Variants in PRKDC observed in about 807,000 individuals in gnomAD.
The protein encoded by PRKDC is protein kinase, DNA-activated, catalytic subunit.
PRKDC carries 82 observed loss-of-function variants against 486.9 expected under a neutral mutation model. The ratio of observed to expected loss-of-function variants is 0.17; its 90% CI spans 0.14 to 0.20. The LOEUF (loss-of-function observed/expected upper bound fraction) is 0.20. Among genes scored for constraint, PRKDC ranks in the 10% least tolerant of loss-of-function variants. PRKDC has a pLI of 1.00. For missense variants in PRKDC, 4,504 were observed against 5,038.2 expected, an observed-to-expected ratio of 0.89 and a Z score of 3.21; for synonymous variants, 1,895 against 1,837.0, an observed-to-expected ratio of 1.03 and a Z score of -0.81.
At chr8:47,891,503 G>A (rs1162852416) in intron 31 of PRKDC, among the ~76,000 whole-genome samples, 1 of 152,034 alleles carries the variant, frequency 6.6e-6, no homozygotes, top group South Asian at 2.1e-4. Context: ...GGCGGATCAC[G>A]AGGTCAGGAG....
Position 47,789,221 on chromosome 8 carries a change from T to A in PRKDC, c.10688A>T (p.Asp3563Val). Residue 3563 changes from aspartate (D) to valine (V), a missense_variant, in exon 75 of 86, where the codon GAT becomes GTT. Asp to Val is a radical substitution (Grantham distance 152). This residue lies in a region of PRKDC where 706 missense variants were observed against 945.0 expected (regional missense o/e 0.75). Transcript: ENST00000314191. ...EFVARIKSKLDQGGVIQDFIN... is the reference protein window; with the variant it reads ...EFVARIKSKLVQGGVIQDFIN... Reference sequence around the variant, plus strand: ...AAAATCTTGAATCACTCCTCCTTGATCCAACTTACTTTTAATCCTATTTAA... The same window carrying A: ...AAAATCTTGAATCACTCCTCCTTGAACCAACTTACTTTTAATCCTATTTAA... The A allele has an allele frequency of 6.3e-7, 1 of 1,590,650 alleles. No homozygotes were observed. The highest frequency in any genetic ancestry group is 8.5e-7 in the Non-Finnish European group (1 of 1,171,516).
intron 25 of PRKDC, among the ~76,000 whole-genome samples, chr8:47,907,533 CTTTTTTTTTTT>C (rs1028272336): frequency 2.3e-5 from 3 of 133,114 alleles, no homozygotes; most frequent in Non-Finnish European, 3.2e-5. Flanking sequence ...ATTTATATAC[CTTTTTTTTTTT>C]TTTTTTTTGA....
chr8:47,916,345 G>A (rs955709780), intron 22 of PRKDC, among the ~76,000 whole-genome samples: 6 of 152,070 alleles, frequency 3.9e-5, no homozygotes, highest in Non-Finnish European at 7.4e-5. Flanking sequence ...CTCCTCAGAA[G>A]GCTGAGGCAG....
At position 47,858,300 on chromosome 8, in the gene PRKDC, A is replaced by G. The variant is rs201461211; in HGVS notation, c.6465+216T>C. Among the ~76,000 whole-genome samples, 11 of 152,210 alleles carry G rather than the reference A, an allele frequency of 7.2e-5. No individual in the cohort carries two copies. The East Asian group carries it at 7.7e-4, about 11-fold the overall frequency. On this transcript the variant is annotated intron_variant, in intron 48 of 85. Coordinates refer to ENST00000314191, the MANE Select transcript of PRKDC (RefSeq NM_006904.7). ...TCTAACTCACGAGAGGTGAATTTAC[A>G]TATGTTAAAAACGATAAAAGAATGG...
chr8:47,784,611 C>T (rs956615471), intron 77 of PRKDC, among the ~76,000 whole-genome samples: 7 of 152,056 alleles, frequency 4.6e-5, no homozygotes, highest in African/African-American at 1.4e-4. Flanking sequence ...GAAAAAGTCA[C>T]GCCTTGAAAT....
intron 54 of PRKDC, 34 bp downstream of exon 54, chr8:47,849,120 G>C: frequency 1.2e-6 from 2 of 1,606,898 alleles, no homozygotes; most frequent in South Asian, 2.2e-5. Context: ...TTATGAGCCA[G>C]TGGGACCCAA....
In PRKDC at chr8:47,927,787, T is replaced by C; in HGVS notation, c.2243A>G (p.Tyr748Cys). 3 of 1,568,382 alleles carry C rather than the reference T, an allele frequency of 1.9e-6. No individual in the cohort carries two copies. The highest frequency in any genetic ancestry group is 2.6e-6 in the Non-Finnish European group (3 of 1,161,830). Residue 748 changes from tyrosine to cysteine, a missense_variant, in exon 20 of 86, where the codon TAC becomes TGC. By Grantham distance (194) the Tyr-to-Cys change is radical. Coordinates refer to ENST00000314191, the MANE Select transcript of PRKDC (RefSeq NM_006904.7). ...AACGCCTACCTGCAGTGCAGGAACG[T>C]AGGCTCTAACATCGAGTTCAATGAT... ...HNIIELDVRA[Y>C]VPALQMAFKL...
Position 47,778,466 on chromosome 8 carries a change from G to A in PRKDC, c.11846C>T (p.Ala3949Val). The change falls in exon 83 of 86, where the codon GCT (alanine) becomes GTT (valine). Residue 3949 changes from alanine (A) to valine (V), a missense_variant. Around this residue, in one of 6 missense-constraint regions of PRKDC, gnomAD observed 706 missense variants for 945.0 expected, o/e 0.75. Transcript: ENST00000314191. ...AGAGCACAGCAAGTGCACCTGTGTA[G>A]CGGATCCAAACGCATGCCCAAAGTC... ...GIDFGHAFGSATQFLPVPELM... is the reference protein window; with the variant it reads ...GIDFGHAFGSVTQFLPVPELM... 1.2e-6 allele frequency: 2 copies of A among 1,612,252 alleles called. No homozygotes were observed. Among genetic ancestry groups the A allele is most frequent in the South Asian group, 2.2e-5 (2 of 90,596 alleles).
chr8:47,943,923 G>C, intron 8 of PRKDC, 40 bp from the exon 9 acceptor site: 1 of 1,567,850 alleles, frequency 6.4e-7, no homozygotes, highest in South Asian at 1.2e-5. Flanking sequence ...GTATTTGAAA[G>C]TCTGCACTGT....
At chr8:47,888,958 T>C (rs905973755) in intron 33 of PRKDC, 56 bp downstream of exon 33, 9 of 1,539,662 alleles carry the variant, frequency 5.8e-6, no homozygotes, top group Admixed American at 5.1e-5. Flanking sequence ...CACGGCAACA[T>C]ACTAGGGCCT....
At chr8:47,938,418 T>TA (rs761353861) in intron 11 of PRKDC, among the ~76,000 whole-genome samples, 44 of 104,076 alleles carry the variant, frequency 4.2e-4, no homozygotes, top group East Asian at 2.5e-3. Flanking sequence ...ACTCAAAAAT[T>TA]AAAAAAAAAA....
chr8:47,812,429 G>A (rs2087349060), intron 68 of PRKDC, among the ~76,000 whole-genome samples: 1 of 152,264 alleles, frequency 6.6e-6, no homozygotes, highest in Admixed American at 6.5e-5. Flanking sequence ...ATCATACAGA[G>A]GGTGTTTTCT....
intron 19 of PRKDC, among the ~76,000 whole-genome samples, chr8:47,928,268 C>T (rs536448821): frequency 5.3e-5 from 8 of 151,612 alleles, no homozygotes; most frequent in South Asian, 2.1e-4. Flanking sequence ...TCTCCTGCCT[C>T]GGCATCCCAA....
At chr8:47,854,883 T>A (rs1042146075) in intron 50 of PRKDC, among the ~76,000 whole-genome samples, 16 of 152,164 alleles carry the variant, frequency 1.1e-4, no homozygotes, top group African/African-American at 3.6e-4. Context: ...ATAGCAAAAC[T>A]TTTTGGAAGT....
chr8:47,951,525 A>G lies in PRKDC; in HGVS notation c.721+2095T>C, dbSNP rs926898020. Among the ~76,000 whole-genome samples, 10 of 151,950 alleles carry G rather than the reference A, an allele frequency of 6.6e-5. 1 individual carries two copies. The East Asian group carries it at 1.9e-3, about 29-fold the overall frequency. On this transcript the variant is annotated intron_variant, in intron 7 of 85. Coordinates refer to ENST00000314191, the MANE Select transcript of PRKDC (RefSeq NM_006904.7). ...GATCACTTGAGCCCAAGAGCTTGAA[A>G]CCAGCCTGGGCAATAAGGCAAGACC...
intron 37 of PRKDC, 29 bp from the exon 38 acceptor site, chr8:47,881,549 C>T: frequency 8.8e-7 from 1 of 1,142,654 alleles, no homozygotes; most frequent in Non-Finnish European, 1.3e-6. Flanking sequence ...AAACAGGACA[C>T]ATTTGTATAT....
chr8:47,957,261 A>T lies in PRKDC; in HGVS notation c.234T>A (p.Phe78Leu), dbSNP rs746672297. The change falls in exon 3 of 86, where the codon TTT becomes TTA. Residue 78 changes from phenylalanine (F) to leucine (L), a missense_variant and splice_region_variant. By Grantham distance (22) the Phe-to-Leu change is conservative. Coordinates refer to ENST00000314191, the MANE Select transcript of PRKDC (RefSeq NM_006904.7). ...TTAGGATTTCTTCTCTACATTCACG[A>T]AACTGTAATGAAAGAGATACATATT... ...FVRKSLNSIE[F>L]RECREEILKF... The T allele has an allele frequency of 6.3e-7, 1 of 1,594,516 alleles. No homozygotes were observed. The highest frequency in any genetic ancestry group is 1.3e-5 in the African/African-American group (1 of 74,494).
At chr8:47,816,277 G>A (rs1234231723) in intron 68 of PRKDC, among the ~76,000 whole-genome samples, 2 of 152,078 alleles carry the variant, frequency 1.3e-5, no homozygotes, top group East Asian at 3.8e-4. Flanking sequence ...GCTAGCCTGA[G>A]AAGTATTCTG....
At chr8:47,784,853 A>T (rs1332145247) in intron 77 of PRKDC, among the ~76,000 whole-genome samples, 1 of 152,196 alleles carries the variant, frequency 6.6e-6, no homozygotes, top group East Asian at 1.9e-4. Context: ...ATTGCTGTTT[A>T]CCATTATTAC....
Sources: gnomAD v4.1 joint callset for allele counts (sites outside exome capture counted in the v4.1 genomes callset) on GRCh38, gnomAD v4.1.1 for gene constraint, gnomAD v4.1.1 regional missense constraint, MANE v1.5 for transcripts, NCBI Gene and HGNC (gene_info 2026-07-23, HGNC 2026-07-21) for gene names.